The following SLC22A8 variants were observed in gnomAD, a reference collection of about 807,000 sequenced individuals.
SLC22A8 encodes solute carrier family 22 member 8.
In SLC22A8, 40 loss-of-function variants were observed where a neutral mutation model predicts 48.4. The ratio of observed to expected loss-of-function variants is 0.83; its 90% CI spans 0.64 to 1.08. The LOEUF is 1.08. SLC22A8 is among the 50% of genes least tolerant of loss of function. The pLI, the probability that SLC22A8 is intolerant of heterozygous loss-of-function variation, is 0.00. For synonymous variants in SLC22A8, 268 were observed against 286.3 expected (o/e 0.94, Z 0.65); for missense variants, 606 against 699.0 (o/e 0.87, Z 1.50).
intron 7 of SLC22A8, 58 bp downstream of exon 7, chr11:62,995,646 G>T: frequency 8.0e-7 from 1 of 1,246,252 alleles, no homozygotes; most frequent in South Asian, 1.2e-5. Context: ...TGAGCCTACT[G>T]GAGGCCTTGT....
intron 8 of SLC22A8, 27 bp from the exon 9 acceptor site, chr11:62,993,905 C>T: frequency 2.8e-6 from 4 of 1,440,526 alleles, no homozygotes; most frequent in Non-Finnish European, 3.9e-6. Flanking sequence ...ATGTGGTGGG[C>T]CTTGGAGTTC....
Position 62,993,496 on chromosome 11 carries a change from C to T in SLC22A8, c.1457G>A (p.Gly486Asp). ...CTCAGGCAGGAAGAGGGCAGCACTGCCCCCGAGGAGGGCGGTGATCCCGTA... is the reference window on the plus strand; with the variant it reads ...CTCAGGCAGGAAGAGGGCAGCACTGTCCCCGAGGAGGGCGGTGATCCCGTA... Reference protein sequence around the residue: ...IIYGITALLGGSAALFLPETL... With the variant: ...IIYGITALLGDSAALFLPETL... Residue 486 changes from glycine to aspartate, a missense_variant, in exon 10 of 11, where the codon GGC (glycine) becomes GAC (aspartate). Physicochemically the swap from Gly to Asp is moderately conservative, Grantham distance 94. Transcript: ENST00000336232. 1 of 1,614,200 alleles carries T rather than the reference C, an allele frequency of 6.2e-7. No homozygotes were observed. The highest frequency in any genetic ancestry group is 8.5e-7 in the Non-Finnish European group (1 of 1,180,026).
chr11:62,994,979 G>C, intron 7 of SLC22A8: 1 of 582,102 alleles, frequency 1.7e-6, no homozygotes, highest in East Asian at 2.9e-5. Flanking sequence ...GCATGGTCCA[G>C]GGTGTGGTGG....
At chr11:63,001,363 G>T (rs1210483638) in intron 2 of SLC22A8, among the ~76,000 whole-genome samples, 1 of 151,946 alleles carries the variant, frequency 6.6e-6, no homozygotes, top group Non-Finnish European at 1.5e-5. Flanking sequence ...TCCCTTCAAA[G>T]CCAAATCCTT....
rs141249890 is a variant in SLC22A8 at position 62,996,099 on chromosome 11, G to C, written c.815C>G (p.Ala272Gly). ...WLVLSGKSSK[A>G]LKILRRVAVF... ...AGCCACCCGCCGGAGTATCTTCAGG[G>C]CCTTCGAGGACTTTCCAGACAAGAC... Residue 272 changes from alanine (A) to glycine (G), a missense_variant, in exon 6 of 11, where the codon GCC becomes GGC. Physicochemically the swap from Ala to Gly is moderately conservative, Grantham distance 60. Transcript: ENST00000336232. 3.7e-6 allele frequency: 6 copies of C among 1,613,788 alleles called. No homozygotes were observed. In the African/African-American group the frequency reaches 8.0e-5, roughly 22 times the overall value.
At chr11:63,012,155 A>G (rs1353200299) in intron 2 of SLC22A8, among the ~76,000 whole-genome samples, 1 of 151,710 alleles carries the variant, frequency 6.6e-6, no homozygotes. Context: ...ACACCTTGCT[A>G]ATTTTTATGT....
At position 62,994,660 on chromosome 11, in the gene SLC22A8, A is replaced by G; in HGVS notation, c.1098T>C (p.Asp366=). 6.2e-7 allele frequency: 1 copy of G among 1,614,240 alleles called. No homozygotes were observed. The highest frequency in any genetic ancestry group is 1.1e-5 in the South Asian group (1 of 91,092). The change falls in exon 8 of 11, where the codon GAT becomes GAC. Residue 366 remains aspartate, a synonymous_variant. Coordinates refer to ENST00000336232, the MANE Select transcript of SLC22A8 (RefSeq NM_004254.4). ...YILQIIFGGV[D]VPAKFITILS... ...GGATGGTGATGAACTTGGCTGGGAC[A>G]TCGACCCCACCAAAGATGATCTGGA...
At position 63,000,748 on chromosome 11, in the gene SLC22A8, C is replaced by T; in HGVS notation, c.409G>A (p.Gly137Arg). ...SIFMAGILIG[G>R]LVLGDLSDRF... Reference sequence around the variant, plus strand: ...TCAGACAGGTCTCCAAGCACGAGCCCTCCAATCAGTATACCTGCCATGAAG... The same window carrying T: ...TCAGACAGGTCTCCAAGCACGAGCCTTCCAATCAGTATACCTGCCATGAAG... Residue 137 changes from glycine to arginine, a missense_variant, in exon 3 of 11, where the codon GGG (glycine) becomes AGG (arginine). Physicochemically the swap from Gly to Arg is moderately radical, Grantham distance 125. Coordinates refer to ENST00000336232, the MANE Select transcript of SLC22A8 (RefSeq NM_004254.4). 1 of 1,613,932 alleles carries T rather than the reference C, an allele frequency of 6.2e-7. No homozygotes were observed. The highest frequency in any genetic ancestry group is 2.2e-5 in the East Asian group (1 of 44,860).
chr11:63,013,933 G>T (rs977243905), intron 2 of SLC22A8, among the ~76,000 whole-genome samples: 4 of 152,172 alleles, frequency 2.6e-5, no homozygotes, highest in Non-Finnish European at 4.4e-5. Context: ...CGAGGTGGCA[G>T]GTGAGAGAGT....
chr11:62,994,263 A>G (rs2086381389), intron 8 of SLC22A8: 2 of 545,832 alleles, frequency 3.7e-6, no homozygotes, highest in African/African-American at 3.8e-5. Flanking sequence ...GCTTATCTCT[A>G]CAGTGATGTC....
At chr11:63,005,760 G>A (rs1312918757) in intron 2 of SLC22A8, among the ~76,000 whole-genome samples, 1 of 152,182 alleles carries the variant, frequency 6.6e-6, no homozygotes, top group Non-Finnish European at 1.5e-5. Flanking sequence ...CAGAGGCAAG[G>A]AAGGATTCTT....
Position 62,993,529 on chromosome 11 carries a change from T to C in SLC22A8, c.1424A>G (p.Asn475Ser), listed in dbSNP as rs766263168. The C allele has an allele frequency of 2.5e-6, 4 of 1,614,126 alleles. No homozygotes were observed. The highest frequency in any genetic ancestry group is 1.6e-4 in the Middle Eastern group (1 of 6,062). Reference protein sequence around the residue: ...ITGEVQPFIPNIIYGITALLG... With the variant: ...ITGEVQPFIPSIIYGITALLG... ...GAGGGCGGTGATCCCGTAGATGATA[T>C]TGGGGATGAAGGGCTGTACCTCACC... The change falls in exon 10 of 11, where the codon AAT becomes AGT. Residue 475 changes from asparagine (N) to serine (S), a missense_variant. Transcript: ENST00000336232.
At chr11:63,006,816 C>T (rs1490156098) in intron 2 of SLC22A8, among the ~76,000 whole-genome samples, 1 of 150,960 alleles carries the variant, frequency 6.6e-6, no homozygotes, top group Non-Finnish European at 1.5e-5. Flanking sequence ...ACCATGTTAG[C>T]TAGCATGGTT....
At position 62,996,024 on chromosome 11, in the gene SLC22A8, C is replaced by A. The variant is rs753745636; in HGVS notation, c.885+5G>T. Reference sequence around the variant, plus strand: ...TGCTCCCAGACTATAGTCCTCAGCCCCTACCTCCAAGCTGAGCCTTTCTCC... The same window carrying A: ...TGCTCCCAGACTATAGTCCTCAGCCACTACCTCCAAGCTGAGCCTTTCTCC... On this transcript the variant is annotated splice_donor_5th_base_variant and intron_variant, in intron 6 of 10. Coordinates refer to ENST00000336232, the MANE Select transcript of SLC22A8 (RefSeq NM_004254.4). The A allele has an allele frequency of 6.8e-6, 11 of 1,613,972 alleles. No individual in the cohort carries two copies. Among genetic ancestry groups the A allele is most frequent in the Non-Finnish European group, 9.3e-6 (11 of 1,179,988 alleles).
intron 2 of SLC22A8, among the ~76,000 whole-genome samples, chr11:63,014,115 T>G (rs1255250850): frequency 6.6e-6 from 1 of 152,130 alleles, no homozygotes; most frequent in Non-Finnish European, 1.5e-5. Flanking sequence ...GGACTTTTCC[T>G]CCTTTCCCTC....
At chr11:63,011,144 T>C (rs1590701439) in intron 2 of SLC22A8, among the ~76,000 whole-genome samples, 1 of 151,974 alleles carries the variant, frequency 6.6e-6, no homozygotes, top group East Asian at 1.9e-4. Flanking sequence ...GGGTTGGGGG[T>C]TGTGCATTCC....
rs549305121 is a variant in SLC22A8, at chr11:63,013,611, G to C, written c.333+1015C>G. On this transcript the variant is annotated intron_variant, in intron 2 of 10. Transcript: ENST00000336232. The stretch of plus-strand genomic sequence containing the variant: ...GACCCCCGTAAACATTTGTCTCCCT[G>C]TACTTCTTATGGGCTTTAGCTGTAA... 3.9e-5 allele frequency among the ~76,000 whole-genome samples: 6 copies of C among 152,286 alleles called. No homozygotes were observed. In the East Asian group the frequency reaches 1.2e-3, roughly 29 times the overall value.
chr11:63,009,725 G>T (rs920066749), intron 2 of SLC22A8, among the ~76,000 whole-genome samples: 1 of 152,174 alleles, frequency 6.6e-6, no homozygotes, highest in African/African-American at 2.4e-5. Flanking sequence ...TCAGAAGGGG[G>T]AGGGAGACCG....
Position 63,005,911 on chromosome 11 carries a change from G to A in SLC22A8, c.334-5088C>T, listed in dbSNP as rs575607430. 9.2e-5 allele frequency among the ~76,000 whole-genome samples: 14 copies of A among 152,234 alleles called. No individual in the cohort carries two copies. In the South Asian group the frequency reaches 1.9e-3, roughly 20 times the overall value. The stretch of plus-strand genomic sequence containing the variant: ...TGGTAGCCCTAGGAAACTAATATAC[G>A]GCACGATTCCTGAATATTTGAAGGA... On this transcript the variant is annotated intron_variant, in intron 2 of 10. Coordinates refer to ENST00000336232, the MANE Select transcript of SLC22A8 (RefSeq NM_004254.4).
Sources: gnomAD v4.1 joint callset for allele counts (sites outside exome capture counted in the v4.1 genomes callset) on GRCh38, gnomAD v4.1.1 for gene constraint, MANE v1.5 for transcripts, NCBI Gene and HGNC (gene_info 2026-07-23, HGNC 2026-07-21) for gene names.